IRF5: variants seen among roughly 807,000 people sequenced by gnomAD.
The protein encoded by IRF5 is interferon regulatory factor 5.
IRF5 carries 24 observed loss-of-function variants against 55.1 expected under a neutral mutation model. The observed-to-expected ratio is 0.44, with a 90% CI of 0.32 to 0.61. The LOEUF is 0.61. Ranked by LOEUF, IRF5 falls within the 20% of genes least tolerant of loss-of-function variation. The pLI is 0.07. For missense variants in IRF5, 499 were observed against 658.5 expected (o/e 0.76, Z 2.65); for synonymous variants, 258 against 260.2 (o/e 0.99, Z 0.08).
In IRF5 at chr7:128,948,644, C is replaced by A. The variant is rs776484390; in HGVS notation, c.1371C>A (p.Ile457=). 1 of 1,614,168 alleles carries A rather than the reference C, an allele frequency of 6.2e-7. No individual in the cohort carries two copies. Among genetic ancestry groups the A allele is most frequent in the Admixed American group, 1.7e-5 (1 of 60,032 alleles). Residue 457 remains isoleucine, a synonymous_variant, in exon 9 of 9, where the codon ATC becomes ATA. Transcript: ENST00000357234. The surrounding 1 kb of genome is among the most constrained non-coding windows in gnomAD (Gnocchi z 4.6). The part of the protein sequence containing the change: ...SGELSWSADS[I]RLQISNPDLK... ...AGCTATCTTGGTCAGCTGATAGTATCCGGCTACAGATCTCAAACCCAGACC... is the reference window on the plus strand; with the variant it reads ...AGCTATCTTGGTCAGCTGATAGTATACGGCTACAGATCTCAAACCCAGACC...
intron 1 of IRF5, among the ~76,000 whole-genome samples, chr7:128,939,686 T>C (rs1795918989): frequency 6.6e-6 from 1 of 152,138 alleles, no homozygotes; most frequent in Admixed American, 6.5e-5. Context: ...CACTGTCTCC[T>C]GGGACTCCAG....
Position 128,946,164 on chromosome 7 carries a change from G to A in IRF5, c.385+130G>A, listed in dbSNP as rs1233612284. On this transcript the variant is annotated intron_variant, in intron 3 of 8. Transcript: ENST00000357234. The surrounding 1 kb of genome is among the most constrained non-coding windows in gnomAD (Gnocchi z 4.2). ...CAGTGGTCCAGGAAACGATGCGGGG[G>A]CTCCCGCTAGGTCATGACACCCAGG... is the stretch of plus-strand genomic sequence containing the variant. The A allele has an allele frequency of 4.5e-6, 4 of 882,560 alleles. No individual in the cohort carries two copies. The East Asian group carries it at 1.1e-4, about 24-fold the overall frequency. 54.7% of individuals were successfully genotyped at this position (882,560 alleles called of 1,614,324 possible).
chr7:128,945,728 G>C, intron 2 of IRF5, 117 bp from the exon 3 acceptor site: 5 of 1,004,440 alleles, frequency 5.0e-6, no homozygotes, highest in Non-Finnish European at 7.1e-6. Flanking sequence ...GCTCAGCGAG[G>C]CTCAGCCTGT....
chr7:128,943,432 G>A (rs1255823731), intron 2 of IRF5, among the ~76,000 whole-genome samples: 1 of 149,984 alleles, frequency 6.7e-6, no homozygotes, highest in Non-Finnish European at 1.5e-5. Context: ...TGCACCATTG[G>A]TGAGCAGTGG....
At chr7:128,939,900 G>C (rs1461071220) in intron 1 of IRF5, among the ~76,000 whole-genome samples, 4 of 152,252 alleles carry the variant, frequency 2.6e-5, no homozygotes, top group Non-Finnish European at 5.9e-5. Context: ...AGGCAGACCT[G>C]TTCTGACACC....
In IRF5 at chr7:128,947,481, C is replaced by A. The variant is rs554490940; in HGVS notation, c.733C>A (p.Pro245Thr). Reference protein sequence around the residue: ...EPGPLPASLPPAGEQLLPDLL... With the variant: ...EPGPLPASLPTAGEQLLPDLL... The stretch of plus-strand genomic sequence containing the variant: ...TGGGCCCCTGCCTGCCAGCCTGCCC[C>A]CTGCAGGCGAACAGCTCCTGCCAGA... The change falls in exon 6 of 9, where the codon CCT becomes ACT. Residue 245 changes from proline (P) to threonine (T), a missense_variant. Around this residue, in one of 2 missense-constraint regions of IRF5, gnomAD observed 305 missense variants for 340.2 expected, o/e 0.90. Coordinates refer to ENST00000357234, the MANE Select transcript of IRF5 (RefSeq NM_001098629.3). The surrounding 1 kb of genome is among the most constrained non-coding windows in gnomAD (Gnocchi z 6.5). 1.1e-4 allele frequency: 172 copies of A among 1,605,862 alleles called. 4 individuals carry two copies. In the South Asian group the frequency reaches 1.7e-3, roughly 16 times the overall value.
chr7:128,940,254 G>C (rs560751750), intron 1 of IRF5: 2 of 152,552 alleles, frequency 1.3e-5, no homozygotes, highest in Non-Finnish European at 2.9e-5. Flanking sequence ...TGACAGTAGG[G>C]GGCAGGCAGC....
At position 128,948,589 on chromosome 7, in the gene IRF5, C is replaced by T; in HGVS notation, c.1316C>T (p.Ala439Val). The change falls in exon 9 of 9, where the codon GCT becomes GTT. Residue 439 changes from alanine (A) to valine (V), a missense_variant. Ala to Val is a moderately conservative substitution (Grantham distance 64). Coordinates refer to ENST00000357234, the MANE Select transcript of IRF5 (RefSeq NM_001098629.3). This position sits in a 1 kb window ranked among gnomAD's most constrained non-coding sequence, Gnocchi z 4.6. ...LITVQVVPVA[A>V]RLLLEMFSGE... Reference sequence around the variant, plus strand: ...GCCTCCCAGGTGGTGCCTGTAGCAGCTCGACTGCTGCTGGAGATGTTCTCA... The same window carrying T: ...GCCTCCCAGGTGGTGCCTGTAGCAGTTCGACTGCTGCTGGAGATGTTCTCA... 1 of 1,613,984 alleles carries T rather than the reference C, an allele frequency of 6.2e-7. No individual in the cohort carries two copies. Among genetic ancestry groups the T allele is most frequent in the Non-Finnish European group, 8.5e-7 (1 of 1,180,036 alleles).
rs765418077 is a variant in IRF5 at position 128,947,543 on chromosome 7, C to A, written c.787+8C>A. ...GCCCCCACATGCTGCCTCGTAAGGACCCATGGCTGGGCACGGGGAAGCAGT... is the reference window on the plus strand; with the variant it reads ...GCCCCCACATGCTGCCTCGTAAGGAACCATGGCTGGGCACGGGGAAGCAGT... On this transcript the variant is annotated splice_region_variant and intron_variant, in intron 6 of 8. Transcript: ENST00000357234. The surrounding 1 kb of genome is among the most constrained non-coding windows in gnomAD (Gnocchi z 6.5). 3 of 1,543,398 alleles carry A rather than the reference C, an allele frequency of 1.9e-6. No homozygotes were observed. Among genetic ancestry groups the A allele is most frequent in the African/African-American group, 2.7e-5 (2 of 72,826 alleles).
chr7:128,942,624 A>C (rs1796091551), intron 2 of IRF5, among the ~76,000 whole-genome samples: 1 of 151,796 alleles, frequency 6.6e-6, no homozygotes, highest in South Asian at 2.1e-4. Flanking sequence ...GGCCTAGGGC[A>C]CATCTTTTCT....
Position 128,948,662 on chromosome 7 carries a change from C to G in IRF5, c.1389C>G (p.Asn463Lys). 1 of 1,614,214 alleles carries G rather than the reference C, an allele frequency of 6.2e-7. No individual in the cohort carries two copies. The highest frequency in any genetic ancestry group is 8.5e-7 in the Non-Finnish European group (1 of 1,180,032). ...ATAGTATCCGGCTACAGATCTCAAA[C>G]CCAGACCTCAAAGACCGCATGGTGG... Reference protein sequence around the residue: ...SADSIRLQISNPDLKDRMVEQ... With the variant: ...SADSIRLQISKPDLKDRMVEQ... The change falls in exon 9 of 9, where the codon AAC (asparagine) becomes AAG (lysine). Residue 463 changes from asparagine to lysine, a missense_variant. Physicochemically the swap from Asn to Lys is moderately conservative, Grantham distance 94. Transcript: ENST00000357234. This position sits in a 1 kb window ranked among gnomAD's most constrained non-coding sequence, Gnocchi z 4.6.
At position 128,947,293 on chromosome 7, in the gene IRF5, C is replaced by T. The variant is rs764065524; in HGVS notation, c.545C>T (p.Pro182Leu). Residue 182 changes from proline (P) to leucine (L), a missense_variant, in exon 6 of 9, where the codon CCG becomes CTG. Transcript: ENST00000357234. This position sits in a 1 kb window ranked among gnomAD's most constrained non-coding sequence, Gnocchi z 6.5. ...TTACTCAAAGAGGATGTCAAGTGGC[C>T]GCCCACTCTGCAGCCGCCCACTCTG... ...YSLLKEDVKW[P>L]PTLQPPTLRP... 2.4e-5 allele frequency: 38 copies of T among 1,606,150 alleles called. No homozygotes were observed. Among genetic ancestry groups the T allele is most frequent in the South Asian group, 3.3e-5 (3 of 90,428 alleles).
chr7:128,948,800 C>T lies in IRF5; in HGVS notation c.1527C>T (p.His509=). ...TTGGCCAGGGGCCCTGGCCTATGCA[C>T]CCAGCTGGCATGCAATAACAAGGCT... ...LGVGQGPWPM[H]PAGMQ is the part of the protein sequence containing the mutation. Residue 509 remains histidine, a synonymous_variant, in exon 9 of 9, where the codon CAC becomes CAT. Transcript: ENST00000357234. This position sits in a 1 kb window ranked among gnomAD's most constrained non-coding sequence, Gnocchi z 4.6. 6.2e-7 allele frequency: 1 copy of T among 1,604,446 alleles called. No individual in the cohort carries two copies. The highest frequency in any genetic ancestry group is 2.2e-5 in the East Asian group (1 of 44,878).
chr7:128,943,752 G>A lies in IRF5; in HGVS notation c.195+1476G>A, dbSNP rs546198728. On this transcript the variant is annotated intron_variant, in intron 2 of 8. Transcript: ENST00000357234. ...TTTTTTTTTTTTTTTTGTATTTTTG[G>A]TAAAGACAGGGTTTCACCCTGTTGG... Among the ~76,000 whole-genome samples, 28 of 88,616 alleles carry A rather than the reference G, an allele frequency of 3.2e-4. No homozygotes were observed. The East Asian group carries it at 0.012, about 39-fold the overall frequency. The allele number at this position is 88,616 out of a possible 152,430, so 58.1% of individuals were successfully genotyped here. A position where few individuals can be genotyped will look rare whatever the true frequency, so the allele number is the denominator to read the frequency against.
chr7:128,940,009 G>C (rs1795934544), intron 1 of IRF5, among the ~76,000 whole-genome samples: 1 of 152,206 alleles, frequency 6.6e-6, no homozygotes, highest in Non-Finnish European at 1.5e-5. Context: ...TGCTGTTCGG[G>C]TTAGAGCTCG....
In IRF5 at chr7:128,947,844, G is replaced by C. The variant is rs1197502142; in HGVS notation, c.903G>C (p.Gln301His). The part of the protein sequence containing the change: ...FYSQLEATQE[Q>H]VELFGPISLE... ...GCCAGCTGGAGGCCACCCAGGAGCA[G>C]GTGGAACTCTTCGGCCCCATAAGCC... The change falls in exon 7 of 9, where the codon CAG becomes CAC. Residue 301 changes from glutamine (Q) to histidine (H), a missense_variant. This residue lies in a region of IRF5 where 194 missense variants were observed against 318.3 expected (regional missense o/e 0.61). Transcript: ENST00000357234. The surrounding 1 kb of genome is among the most constrained non-coding windows in gnomAD (Gnocchi z 6.5). The C allele has an allele frequency of 1.9e-6, 3 of 1,613,898 alleles. No homozygotes were observed. The African/African-American group carries it at 4.0e-5, about 22-fold the overall frequency.
At chr7:128,941,211 G>A (rs1333819967) in intron 1 of IRF5, 1 of 152,562 alleles carries the variant, frequency 6.6e-6, no homozygotes, top group Non-Finnish European at 1.5e-5. Flanking sequence ...GTGAAGCTGT[G>A]GCCTGGGAGG....
chr7:128,942,412 G>A (rs917811013), intron 2 of IRF5, 136 bp downstream of exon 2: 8 of 681,540 alleles, frequency 1.2e-5, no homozygotes, highest in African/African-American at 7.4e-5. Context: ...TGCCGGGCCC[G>A]GACTAAGGGG....
Position 128,948,182 on chromosome 7 carries a change from C to T in IRF5, c.1181-28C>T. ...CTTGCCCAGGGCATGGTTCCAGCCT[C>T]TGACTAGGGACCTTGATTTTGATGC... On this transcript the variant is annotated intron_variant, in intron 7 of 8. Transcript: ENST00000357234. This position sits in a 1 kb window ranked among gnomAD's most constrained non-coding sequence, Gnocchi z 4.6. The T allele has an allele frequency of 6.2e-7, 1 of 1,611,852 alleles. No homozygotes were observed. The highest frequency in any genetic ancestry group is 1.1e-5 in the South Asian group (1 of 90,822).
Sources: gnomAD v4.1 joint callset for allele counts (sites outside exome capture counted in the v4.1 genomes callset) on GRCh38, gnomAD v4.1.1 for gene constraint, gnomAD v4.1.1 regional missense constraint, Gnocchi (gnomAD v3.1) non-coding constraint, MANE v1.5 for transcripts, NCBI Gene and HGNC (gene_info 2026-07-23, HGNC 2026-07-21) for gene names.